The following UMAD1 variants were observed in gnomAD, a reference collection of about 807,000 sequenced individuals.
The protein encoded by UMAD1 is UBAP1-MVB12-associated (UMA) domain containing 1, also known as UBAP1-MVB12-associated (UMA)-domain containing protein 1.
In UMAD1, 8 loss-of-function variants were observed where a neutral mutation model predicts 6.1. The observed-to-expected ratio is 1.30, with a 90% confidence interval of 0.76 to 2.35. The LOEUF (loss-of-function observed/expected upper bound fraction) is 2.35, where lower values mean the gene tolerates loss of function less well. UMAD1 is among the 30% of genes most tolerant of loss of function. The probability of loss-of-function intolerance (pLI) is 0.00; values close to 1 mark genes in which losing one functional copy is unlikely to be tolerated. For missense variants in UMAD1, 130 were observed against 78.4 expected (o/e 1.66, Z -2.49); for synonymous variants, 56 against 31.4 (o/e 1.78, Z -2.61).
chr7:7,865,667 C>G (rs531916112), intron 3 of UMAD1, among the ~76,000 whole-genome samples: 1 of 152,212 alleles, frequency 6.6e-6, no homozygotes, highest in Non-Finnish European at 1.5e-5. Context: ...CAGTACCTAC[C>G]TAGTCCTGCC....
At chr7:7,676,429 A>G (rs1479582413) in intron 2 of UMAD1, among the ~76,000 whole-genome samples, 2 of 152,210 alleles carry the variant, frequency 1.3e-5, no homozygotes, top group East Asian at 1.9e-4. Flanking sequence ...GAATTAGCCC[A>G]GGCAATCTGA....
intron 2 of UMAD1, among the ~76,000 whole-genome samples, chr7:7,707,983 G>A (rs1438757869): frequency 6.6e-6 from 1 of 152,146 alleles, no homozygotes; most frequent in Non-Finnish European, 1.5e-5. Flanking sequence ...TCCTTTAGTT[G>A]TCACTTTTTT....
At position 7,670,603 on chromosome 7, in the gene UMAD1, C is replaced by T. The variant is rs561700022; in HGVS notation, c.-63-2706C>T. ...CCCAAGGCAGTCTGTCTCATTGCCC[C>T]ATTCAGATATAGCATCATGCTCAAA... On this transcript the variant is annotated intron_variant, in intron 1 of 3. Transcript: ENST00000682710. Among the ~76,000 whole-genome samples, 10 of 152,308 alleles carry T rather than the reference C, an allele frequency of 6.6e-5. No homozygotes were observed. In the East Asian group the frequency reaches 1.2e-3, roughly 18 times the overall value.
At chr7:7,786,937 G>A (rs993631968) in intron 2 of UMAD1, among the ~76,000 whole-genome samples, 3 of 152,162 alleles carry the variant, frequency 2.0e-5, no homozygotes, top group African/African-American at 4.8e-5. Flanking sequence ...ACAACTTTGC[G>A]TAAAACAGCT....
At chr7:7,707,669 G>T (rs1380846058) in intron 2 of UMAD1, among the ~76,000 whole-genome samples, 1 of 152,136 alleles carries the variant, frequency 6.6e-6, no homozygotes, top group Non-Finnish European at 1.5e-5. Flanking sequence ...AGTTTTCTGT[G>T]ATCCAAAATC....
At chr7:7,664,202 C>T (rs1779372222) in intron 1 of UMAD1, among the ~76,000 whole-genome samples, 1 of 151,888 alleles carries the variant, frequency 6.6e-6, no homozygotes, top group African/African-American at 2.4e-5. Flanking sequence ...GATAAAGTCC[C>T]CTACTTTTCC....
chr7:7,646,158 C>CT (rs1364505439), intron 1 of UMAD1, among the ~76,000 whole-genome samples: 1 of 152,160 alleles, frequency 6.6e-6, no homozygotes, highest in Non-Finnish European at 1.5e-5. Context: ...GTGTGACAGC[C>CT]TTTTTGGGTT....
chr7:7,729,064 T>G (rs1781197102), intron 2 of UMAD1, among the ~76,000 whole-genome samples: 1 of 152,180 alleles, frequency 6.6e-6, no homozygotes, highest in African/African-American at 2.4e-5. Flanking sequence ...AAGTACATAA[T>G]GTATTTGTGT....
chr7:7,778,335 G>A (rs1485625124), intron 2 of UMAD1, among the ~76,000 whole-genome samples: 1 of 151,224 alleles, frequency 6.6e-6, no homozygotes, highest in Admixed American at 6.6e-5. Flanking sequence ...TTTAACAACT[G>A]ATGAATATAG....
At chr7:7,675,708 T>G (rs572004577) in intron 2 of UMAD1, among the ~76,000 whole-genome samples, 1 of 152,282 alleles carries the variant, frequency 6.6e-6, no homozygotes, top group African/African-American at 2.4e-5. Context: ...GCATAATTGG[T>G]GTCGTACCCA....
At chr7:7,854,442 C>A (rs1456884288) in intron 3 of UMAD1, among the ~76,000 whole-genome samples, 1 of 149,632 alleles carries the variant, frequency 6.7e-6, no homozygotes, top group Non-Finnish European at 1.5e-5. Context: ...AACTTACAAT[C>A]ATGGCAGAAG....
intron 2 of UMAD1, chr7:7,685,866 A>T (rs1232834699): frequency 6.6e-6 from 1 of 152,236 alleles, no homozygotes; most frequent in Non-Finnish European, 1.5e-5. Context: ...AAGTAAGAAG[A>T]ATGTGGTAAA....
chr7:7,678,300 C>T (rs1053133435), intron 2 of UMAD1, among the ~76,000 whole-genome samples: 1 of 150,950 alleles, frequency 6.6e-6, no homozygotes, highest in Non-Finnish European at 1.5e-5. Flanking sequence ...GAGATGATAT[C>T]TCATTTTGAT....
intron 2 of UMAD1, among the ~76,000 whole-genome samples, chr7:7,754,961 T>A (rs977206890): frequency 6.6e-6 from 1 of 152,220 alleles, no homozygotes; most frequent in Non-Finnish European, 1.5e-5. Flanking sequence ...TAATATTCTC[T>A]TCTGTTTTTA....
At chr7:7,823,611 A>G (rs1783284872) in intron 3 of UMAD1, among the ~76,000 whole-genome samples, 1 of 152,132 alleles carries the variant, frequency 6.6e-6, no homozygotes. Context: ...GGCAGGCTCT[A>G]TTCACATCTT....
At chr7:7,765,773 T>G (rs534656024) in intron 2 of UMAD1, among the ~76,000 whole-genome samples, 1 of 152,344 alleles carries the variant, frequency 6.6e-6, no homozygotes, top group African/African-American at 2.4e-5. Flanking sequence ...GGATACAGTA[T>G]GCTAAGCAAG....
At chr7:7,734,063 CAACCAA>C (rs1014491014) in intron 2 of UMAD1, among the ~76,000 whole-genome samples, 4 of 152,094 alleles carry the variant, frequency 2.6e-5, no homozygotes, top group Non-Finnish European at 5.9e-5. Context: ...CTCCCCCCCG[CAACCAA>C]CCCTTTTTTT....
At position 7,877,786 on chromosome 7, in the gene UMAD1, G is replaced by T. The variant is rs367724062; in HGVS notation, c.*248G>T. 2 of 443,840 alleles carry T rather than the reference G, an allele frequency of 4.5e-6. No individual in the cohort carries two copies. The highest frequency in any genetic ancestry group is 8.0e-6 in the Non-Finnish European group (2 of 248,532). 27.5% of individuals were successfully genotyped at this position (443,840 alleles called of 1,614,324 possible). ...ATTAGGCTATGAAGGTTTTAGGAAAGGACTCGATTCCTTCAGATGGTCTCT... is the reference window on the plus strand; with the variant it reads ...ATTAGGCTATGAAGGTTTTAGGAAATGACTCGATTCCTTCAGATGGTCTCT... On this transcript the variant is annotated 3_prime_UTR_variant, in exon 4 of 4. Transcript: ENST00000682710.
chr7:7,665,942 A>C (rs1380876562), intron 1 of UMAD1, among the ~76,000 whole-genome samples: 1 of 151,656 alleles, frequency 6.6e-6, no homozygotes, highest in East Asian at 1.9e-4. Flanking sequence ...GTTATTGGAC[A>C]TTTGGGTTGT....
Sources: allele counts gnomAD v4.1 joint callset (sites outside exome capture counted in the v4.1 genomes callset), GRCh38; gene constraint gnomAD v4.1.1; transcripts MANE v1.5; gene names NCBI Gene and HGNC (gene_info 2026-07-23, HGNC 2026-07-21).